The following LRRC4C variants were observed in gnomAD, a reference collection of about 807,000 sequenced individuals.
LRRC4C encodes the protein leucine-rich repeat-containing protein 4C.
In LRRC4C, 5 loss-of-function variants were observed where a neutral mutation model predicts 33.6. That is an observed-to-expected ratio of 0.15 (90% confidence interval 0.08 to 0.31). LRRC4C has a LOEUF of 0.31. Among genes scored for constraint, LRRC4C ranks in the 10% least tolerant of loss-of-function variants. The pLI is 1.00. For missense variants in LRRC4C, 560 were observed against 796.7 expected (o/e 0.70, Z 3.58); for synonymous variants, 329 against 302.0 (o/e 1.09, Z -0.93).
intron 1 of LRRC4C, among the ~76,000 whole-genome samples, chr11:41,160,569 TA>T (rs1252943568): frequency 6.6e-6 from 1 of 152,154 alleles, no homozygotes; most frequent in African/African-American, 2.4e-5. Flanking sequence ...TACATGAATT[TA>T]TCTTGAATTA....
At chr11:41,385,095 T>C (rs1565630698) in intron 1 of LRRC4C, among the ~76,000 whole-genome samples, 1 of 151,044 alleles carries the variant, frequency 6.6e-6, no homozygotes, top group Admixed American at 6.6e-5. Flanking sequence ...AGATATAATA[T>C]AGAGAGATTA....
chr11:41,146,226 C>T (rs1345987936), intron 1 of LRRC4C, among the ~76,000 whole-genome samples: 1 of 152,094 alleles, frequency 6.6e-6, no homozygotes, highest in Non-Finnish European at 1.5e-5. Context: ...TAGTCCTAGC[C>T]TGGGTCATTT....
intron 3 of LRRC4C, among the ~76,000 whole-genome samples, chr11:40,434,361 G>C (rs963619684): frequency 6.6e-6 from 1 of 152,212 alleles, no homozygotes; most frequent in Non-Finnish European, 1.5e-5. Context: ...AGGGCGAGCT[G>C]TATTCTTCTG....
At chr11:41,024,380 TATA>T (rs1555044375) in intron 1 of LRRC4C, among the ~76,000 whole-genome samples, 27 of 151,766 alleles carry the variant, frequency 1.8e-4, no homozygotes, top group Non-Finnish European at 4.4e-5. Context: ...GTGTTCATAC[TATA>T]GATATAAAGC....
At chr11:40,504,686 A>G (rs1347416929) in intron 3 of LRRC4C, among the ~76,000 whole-genome samples, 3 of 152,212 alleles carry the variant, frequency 2.0e-5, no homozygotes, top group Non-Finnish European at 4.4e-5. Flanking sequence ...GTCTAAAATC[A>G]ATATTAAATT....
At chr11:40,579,641 A>C (rs1472963079) in intron 3 of LRRC4C, among the ~76,000 whole-genome samples, 2 of 152,256 alleles carry the variant, frequency 1.3e-5, no homozygotes, top group Non-Finnish European at 1.5e-5. Flanking sequence ...ATTTCTAGCT[A>C]TACCCCTTTC....
At chr11:41,172,492 C>A (rs1376065556) in intron 1 of LRRC4C, among the ~76,000 whole-genome samples, 1 of 152,162 alleles carries the variant, frequency 6.6e-6, no homozygotes, top group African/African-American at 2.4e-5. Flanking sequence ...GAGTCCTTCC[C>A]TGATAAGACT....
chr11:41,196,515 C>T (rs948417206), intron 1 of LRRC4C, among the ~76,000 whole-genome samples: 2 of 151,832 alleles, frequency 1.3e-5, no homozygotes, highest in Non-Finnish European at 2.9e-5. Context: ...AGAATGAGTT[C>T]ATTGTTAAAT....
intron 1 of LRRC4C, among the ~76,000 whole-genome samples, chr11:41,039,380 T>C (rs530490769): frequency 6.6e-6 from 1 of 152,210 alleles, no homozygotes; most frequent in Non-Finnish European, 1.5e-5. Flanking sequence ...AGTTCAGGGA[T>C]ATCAAATATT....
chr11:40,748,680 CAT>C (rs1948543863), intron 2 of LRRC4C, among the ~76,000 whole-genome samples: 1 of 151,996 alleles, frequency 6.6e-6, no homozygotes, highest in African/African-American at 2.4e-5. Context: ...ATTTAAAAGA[CAT>C]AGATTGGCAA....
chr11:40,684,078 C>T (rs1944837682), intron 2 of LRRC4C, among the ~76,000 whole-genome samples: 2 of 152,034 alleles, frequency 1.3e-5, no homozygotes, highest in Admixed American at 1.3e-4. Flanking sequence ...TTACAAAATA[C>T]TTACACAATA....
At chr11:41,391,986 A>C (rs1198109324) in intron 1 of LRRC4C, among the ~76,000 whole-genome samples, 1 of 151,926 alleles carries the variant, frequency 6.6e-6, no homozygotes, top group Non-Finnish European at 1.5e-5. Flanking sequence ...CCTGGTTAGC[A>C]GGTAGAATAA....
rs1287586893 is a variant in LRRC4C at position 41,459,518 on chromosome 11, A to T, written c.-583T>A. The T allele has an allele frequency of 1.3e-5, 2 of 150,834 alleles. No homozygotes were observed. The highest frequency in any genetic ancestry group is 4.9e-5 in the African/African-American group (2 of 40,956). 9.3% of individuals were successfully genotyped at this position (150,834 alleles called of 1,614,324 possible). ...TACTCTATTTTCTTTTCTTCTTTTT[A>T]TTTTTTTTTAAGTCATATCGGAGAA... On this transcript the variant is annotated 5_prime_UTR_variant, in exon 1 of 7. Transcript: ENST00000528697.
intron 1 of LRRC4C, among the ~76,000 whole-genome samples, chr11:41,227,409 T>C (rs1302692178): frequency 6.6e-6 from 1 of 152,200 alleles, no homozygotes; most frequent in African/African-American, 2.4e-5. Context: ...CATGTTATTA[T>C]GAGAATTACA....
chr11:40,268,381 C>T lies in LRRC4C; in HGVS notation c.-175-26783G>A, dbSNP rs532969161. On this transcript the variant is annotated intron_variant, in intron 4 of 6. Transcript: ENST00000528697. Reference sequence around the variant, plus strand: ...AAGAAGACTTGAAAAAACCATGATGCTTCCTAAATTGAAAACAAAATCTCT... The same window carrying T: ...AAGAAGACTTGAAAAAACCATGATGTTTCCTAAATTGAAAACAAAATCTCT... Among the ~76,000 whole-genome samples, 28 of 152,256 alleles carry T rather than the reference C, an allele frequency of 1.8e-4. No homozygotes were observed. The South Asian group carries it at 3.5e-3, about 19-fold the overall frequency.
intron 4 of LRRC4C, among the ~76,000 whole-genome samples, chr11:40,254,892 T>C (rs1427431578): frequency 1.3e-5 from 2 of 152,162 alleles, no homozygotes; most frequent in African/African-American, 4.8e-5. Context: ...CACTGTAACC[T>C]AGAACTCCTG....
At chr11:41,051,537 A>G (rs1858217068) in intron 1 of LRRC4C, among the ~76,000 whole-genome samples, 1 of 140,440 alleles carries the variant, frequency 7.1e-6, no homozygotes. Flanking sequence ...AAAAAAAAAA[A>G]AAAAAAAAAA....
chr11:40,498,126 CA>C, intron 3 of LRRC4C, among the ~76,000 whole-genome samples: 1 of 152,230 alleles, frequency 6.6e-6, no homozygotes, highest in Admixed American at 6.5e-5. Flanking sequence ...CACCCGCTAC[CA>C]GGTACAAAGT....
intron 1 of LRRC4C, among the ~76,000 whole-genome samples, chr11:41,080,342 C>CTTTTTTTTTTTT (rs71060997): frequency 2.9e-5 from 3 of 103,460 alleles, no homozygotes; most frequent in African/African-American, 3.7e-5. Context: ...GAGTCTCCTC[C>CTTTTTTTTTTTT]TTTTTTTTTT....
Sources: gnomAD v4.1 joint callset for allele counts (sites outside exome capture counted in the v4.1 genomes callset) on GRCh38, gnomAD v4.1.1 for gene constraint, MANE v1.5 for transcripts, NCBI Gene and HGNC (gene_info 2026-07-23, HGNC 2026-07-21) for gene names.